The following GRIA1 variants were observed in gnomAD, a reference collection of about 807,000 sequenced individuals.
GRIA1 encodes the protein glutamate ionotropic receptor AMPA type subunit 1.
In GRIA1, 31 loss-of-function variants were observed where a neutral mutation model predicts 99.2. That is an observed-to-expected ratio of 0.31 (90% CI 0.23 to 0.42). The LOEUF (loss-of-function observed/expected upper bound fraction) is 0.42, where lower values mean the gene tolerates loss of function less well. GRIA1 is among the 10% of genes least tolerant of loss of function. The pLI is 1.00. For missense variants in GRIA1, 782 were observed against 1,157.5 expected, an observed-to-expected ratio of 0.68 and a Z score of 4.71; for synonymous variants, 438 against 432.4, an observed-to-expected ratio of 1.01 and a Z score of -0.16.
chr5:153,556,666 A>G (rs1760675661), intron 2 of GRIA1, among the ~76,000 whole-genome samples: 1 of 152,132 alleles, frequency 6.6e-6, no homozygotes. Flanking sequence ...TGTGTTCTAG[A>G]TATTTCGAAA....
chr5:153,687,798 C>T (rs1757441930), intron 8 of GRIA1, among the ~76,000 whole-genome samples: 1 of 152,228 alleles, frequency 6.6e-6, no homozygotes, highest in South Asian at 2.1e-4. Context: ...TTCTACCTCA[C>T]AGCCAATCTT....
intron 2 of GRIA1, among the ~76,000 whole-genome samples, chr5:153,521,619 G>A (rs1287380118): frequency 1.3e-5 from 2 of 152,222 alleles, no homozygotes; most frequent in African/African-American, 4.8e-5. Flanking sequence ...TGGCTCAGGG[G>A]ACCAATTTGC....
intron 11 of GRIA1, among the ~76,000 whole-genome samples, chr5:153,750,808 TAAGCACAG>T (rs1762462920): frequency 1.3e-5 from 2 of 152,116 alleles, no homozygotes; most frequent in Non-Finnish European, 2.9e-5. Flanking sequence ...TGTAAAGAAC[TAAGCACAG>T]GCCGGGCATG....
chr5:153,537,487 C>T (rs1182008601), intron 2 of GRIA1, among the ~76,000 whole-genome samples: 1 of 152,188 alleles, frequency 6.6e-6, no homozygotes, highest in Non-Finnish European at 1.5e-5. Context: ...ATCTCCTGCT[C>T]TCTGTGTCTC....
intron 2 of GRIA1, among the ~76,000 whole-genome samples, chr5:153,597,082 A>G (rs951589705): frequency 1.3e-5 from 2 of 152,208 alleles, no homozygotes; most frequent in Non-Finnish European, 2.9e-5. Flanking sequence ...CCACCAGGAA[A>G]GCTTCTTTAA....
intron 2 of GRIA1, among the ~76,000 whole-genome samples, chr5:153,534,481 A>G (rs977843330): frequency 3.3e-5 from 5 of 152,236 alleles, no homozygotes; most frequent in African/African-American, 1.2e-4. Context: ...AACCTTGATA[A>G]TAGCAATTTG....
chr5:153,554,408 T>G (rs1217565676), intron 2 of GRIA1, among the ~76,000 whole-genome samples: 2 of 152,180 alleles, frequency 1.3e-5, no homozygotes, highest in Non-Finnish European at 2.9e-5. Flanking sequence ...GAGACTCTAG[T>G]TAATGACTGT....
chr5:153,594,120 C>T (rs1376562142), intron 2 of GRIA1, among the ~76,000 whole-genome samples: 1 of 152,092 alleles, frequency 6.6e-6, no homozygotes, highest in Non-Finnish European at 1.5e-5. Context: ...GATTTATTGT[C>T]CCTTCTCCTC....
intron 10 of GRIA1, among the ~76,000 whole-genome samples, chr5:153,703,405 T>G (rs1758667888): frequency 6.6e-6 from 1 of 152,196 alleles, no homozygotes; most frequent in Admixed American, 6.6e-5. Flanking sequence ...GAAATAATGT[T>G]CTATTGAACA....
intron 8 of GRIA1, among the ~76,000 whole-genome samples, chr5:153,687,038 C>A (rs1405287410): frequency 6.6e-6 from 1 of 152,102 alleles, no homozygotes; most frequent in East Asian, 1.9e-4. Context: ...GACTTCCTCC[C>A]CCCATCTCCC....
chr5:153,612,431 T>C (rs1766074735), intron 2 of GRIA1, among the ~76,000 whole-genome samples: 1 of 152,240 alleles, frequency 6.6e-6, no homozygotes, highest in Admixed American at 6.5e-5. Context: ...AGGCTATGCC[T>C]TTGTGCAAGT....
chr5:153,628,956 G>A (rs1239055666), intron 2 of GRIA1, among the ~76,000 whole-genome samples: 1 of 152,174 alleles, frequency 6.6e-6, no homozygotes, highest in Non-Finnish European at 1.5e-5. Flanking sequence ...ATGCTGCTGA[G>A]AATCATCATA....
At chr5:153,740,988 T>C (rs1459793209) in intron 11 of GRIA1, among the ~76,000 whole-genome samples, 1 of 146,198 alleles carries the variant, frequency 6.8e-6, no homozygotes, top group African/African-American at 2.6e-5. Context: ...TTTTTTTTTT[T>C]TTTGAGATGA....
chr5:153,726,149 A>G (rs890417612), intron 11 of GRIA1, among the ~76,000 whole-genome samples: 1 of 152,136 alleles, frequency 6.6e-6, no homozygotes, highest in African/African-American at 2.4e-5. Flanking sequence ...CACTGGGTAC[A>G]TAACAAAATG....
intron 2 of GRIA1, among the ~76,000 whole-genome samples, chr5:153,608,992 A>G (rs918385967): frequency 2.0e-5 from 3 of 152,140 alleles, no homozygotes; most frequent in Non-Finnish European, 4.4e-5. Flanking sequence ...GTACCTGTCT[A>G]TTTCCAGTTC....
At chr5:153,508,008 G>C (rs77703920) in intron 2 of GRIA1, among the ~76,000 whole-genome samples, 1 of 152,142 alleles carries the variant, frequency 6.6e-6, no homozygotes, top group Admixed American at 6.5e-5. Context: ...TGGAGATACC[G>C]CAGAAAACAA....
chr5:153,610,897 G>A (rs905705120), intron 2 of GRIA1, among the ~76,000 whole-genome samples: 3 of 152,166 alleles, frequency 2.0e-5, no homozygotes, highest in Non-Finnish European at 4.4e-5. Flanking sequence ...TTTATCGTGT[G>A]TCTCTCAAAG....
Position 153,812,971 on chromosome 5 carries a change from G to A in GRIA1, c.*1746G>A, listed in dbSNP as rs1431693614. 4 of 152,208 alleles carry A rather than the reference G, an allele frequency of 2.6e-5. No homozygotes were observed. The highest frequency in any genetic ancestry group is 2.0e-4 in the Admixed American group (3 of 15,282). The allele number at this position is 152,208 out of a possible 1,614,324, so 9.4% of individuals were successfully genotyped here. On this transcript the variant is annotated 3_prime_UTR_variant, in exon 16 of 16. Coordinates refer to ENST00000285900, the MANE Select transcript of GRIA1 (RefSeq NM_000827.4). ...TATCATTAGCAATTGACATGCTAAA[G>A]GTTTTGGAGCCCACCTAGGGGTAGG...
intron 2 of GRIA1, among the ~76,000 whole-genome samples, chr5:153,551,123 T>C (rs1032354313): frequency 6.6e-6 from 1 of 152,156 alleles, no homozygotes; most frequent in Non-Finnish European, 1.5e-5. Context: ...TTTTATTATG[T>C]GTCTAGACCC....
Sources: gnomAD v4.1 joint callset for allele counts (sites outside exome capture counted in the v4.1 genomes callset) on GRCh38, gnomAD v4.1.1 for gene constraint, MANE v1.5 for transcripts, NCBI Gene and HGNC (gene_info 2026-07-23, HGNC 2026-07-21) for gene names.